The following PTPRM variants were observed in gnomAD, a reference collection of about 807,000 sequenced individuals.
PTPRM encodes the protein protein tyrosine phosphatase receptor type M.
PTPRM carries 47 observed loss-of-function variants against 186.7 expected under a neutral mutation model. The observed-to-expected ratio is 0.25, with a 90% confidence interval of 0.20 to 0.32. PTPRM has a LOEUF of 0.32. Ranked by LOEUF, PTPRM falls within the 10% of genes least tolerant of loss-of-function variation. The pLI is 1.00. For missense variants in PTPRM, 1,494 were observed against 1,865.0 expected (o/e 0.80, Z 3.66); for synonymous variants, 668 against 674.9 (o/e 0.99, Z 0.16).
At chr18:7,911,452 T>C (rs747472617) in intron 4 of PTPRM, among the ~76,000 whole-genome samples, 1 of 152,236 alleles carries the variant, frequency 6.6e-6, no homozygotes, top group Non-Finnish European at 1.5e-5. Context: ...AGGTGGCACC[T>C]GTTTGTAGTT....
At chr18:8,096,103 A>G (rs1183943614) in intron 11 of PTPRM, among the ~76,000 whole-genome samples, 4 of 152,098 alleles carry the variant, frequency 2.6e-5, no homozygotes, top group Non-Finnish European at 5.9e-5. Flanking sequence ...TTGAGGTGTT[A>G]CCATGATGCC....
At chr18:7,717,770 A>C (rs779590931) in intron 1 of PTPRM, among the ~76,000 whole-genome samples, 16 of 152,296 alleles carry the variant, frequency 1.1e-4, no homozygotes, top group Non-Finnish European at 2.1e-4. Flanking sequence ...TGCCTGTGCT[A>C]AAGCATCTAG....
chr18:7,628,958 G>A (rs149277725), intron 1 of PTPRM, among the ~76,000 whole-genome samples: 78 of 152,260 alleles, frequency 5.1e-4, no homozygotes, highest in African/African-American at 1.4e-3. Context: ...CTCCATCTAC[G>A]TGATGCTGGT....
chr18:8,003,156 G>A (rs1279154129), intron 7 of PTPRM, among the ~76,000 whole-genome samples: 5 of 152,122 alleles, frequency 3.3e-5, no homozygotes, highest in South Asian at 2.1e-4. Flanking sequence ...TGTCAAGGGC[G>A]GGGCCAGGTG....
At chr18:8,390,905 G>A (rs1273277743) in intron 31 of PTPRM, among the ~76,000 whole-genome samples, 3 of 150,882 alleles carry the variant, frequency 2.0e-5, no homozygotes, top group Non-Finnish European at 4.4e-5. Flanking sequence ...TCTAGCCTGG[G>A]CGACAGAGCA....
chr18:8,223,575 G>A (rs942560649), intron 14 of PTPRM, among the ~76,000 whole-genome samples: 2 of 152,124 alleles, frequency 1.3e-5, no homozygotes, highest in African/African-American at 4.8e-5. Context: ...AGACCCATCC[G>A]CAGTGCAGCA....
At chr18:8,306,870 GAT>G in intron 20 of PTPRM, among the ~76,000 whole-genome samples, 1 of 152,274 alleles carries the variant, frequency 6.6e-6, no homozygotes, top group Middle Eastern at 3.4e-3. Context: ...ATAAAAATTT[GAT>G]ATGATTTAGC....
At chr18:8,007,690 A>T (rs2084271887) in intron 7 of PTPRM, among the ~76,000 whole-genome samples, 1 of 152,202 alleles carries the variant, frequency 6.6e-6, no homozygotes, top group South Asian at 2.1e-4. Context: ...CCACTGTTGT[A>T]AAGCATGGAG....
chr18:7,609,692 T>A (rs1467097513), intron 1 of PTPRM, among the ~76,000 whole-genome samples: 3 of 152,180 alleles, frequency 2.0e-5, no homozygotes, highest in South Asian at 4.1e-4. Flanking sequence ...AGACAGTTTC[T>A]GATCTACTGC....
intron 7 of PTPRM, among the ~76,000 whole-genome samples, chr18:7,961,802 T>G (rs2053697880): frequency 7.0e-6 from 1 of 143,076 alleles, no homozygotes. Flanking sequence ...AGCGATAGTG[T>G]TTTTATAACT....
chr18:8,173,133 GAACCATT>G (rs1304940665), intron 14 of PTPRM, among the ~76,000 whole-genome samples: 1 of 152,124 alleles, frequency 6.6e-6, no homozygotes, highest in African/African-American at 2.4e-5. Flanking sequence ...AGTCTAAGTG[GAACCATT>G]AACCATGTAC....
At chr18:8,371,073 C>A in intron 24 of PTPRM, 67 bp downstream of exon 24, 1 of 926,002 alleles carries the variant, frequency 1.1e-6, no homozygotes, top group South Asian at 1.7e-5. Context: ...GCCTCATTAA[C>A]TTACCTAGGA....
At chr18:8,089,233 TTTAC>T (rs777830812) in intron 11 of PTPRM, among the ~76,000 whole-genome samples, 1 of 152,278 alleles carries the variant, frequency 6.6e-6, no homozygotes. Context: ...CATTTGTGTG[TTTAC>T]TTTGGGTTTT....
At chr18:8,026,595 G>A (rs1005880482) in intron 7 of PTPRM, among the ~76,000 whole-genome samples, 1 of 152,098 alleles carries the variant, frequency 6.6e-6, no homozygotes, top group Non-Finnish European at 1.5e-5. Context: ...AGTGGCTCAC[G>A]CTTGTAATTC....
chr18:7,834,015 A>G (rs1424110342), intron 2 of PTPRM, among the ~76,000 whole-genome samples: 1 of 152,134 alleles, frequency 6.6e-6, no homozygotes, highest in East Asian at 1.9e-4. Context: ...CAGTGGGGAA[A>G]GAGGGAGTTC....
chr18:7,654,525 G>A (rs920386391), intron 1 of PTPRM, among the ~76,000 whole-genome samples: 5 of 152,108 alleles, frequency 3.3e-5, no homozygotes, highest in Non-Finnish European at 7.4e-5. Flanking sequence ...TGAAATCTTT[G>A]CCTTTTCCTA....
chr18:7,712,734 A>G (rs1415260749), intron 1 of PTPRM, among the ~76,000 whole-genome samples: 3 of 151,940 alleles, frequency 2.0e-5, no homozygotes, highest in African/African-American at 4.8e-5. Flanking sequence ...CACAAGTATC[A>G]ATAGCCAAAT....
chr18:7,763,198 A>G (rs1003762936), intron 1 of PTPRM, among the ~76,000 whole-genome samples: 2 of 152,212 alleles, frequency 1.3e-5, no homozygotes, highest in African/African-American at 4.8e-5. Flanking sequence ...TGGATTTTGG[A>G]CACACTTTAA....
Position 7,582,004 on chromosome 18 carries a change from A to G in PTPRM, c.73+14113A>G, listed in dbSNP as rs74582897. On this transcript the variant is annotated intron_variant, in intron 1 of 32. Coordinates refer to ENST00000580170, the MANE Select transcript of PTPRM (RefSeq NM_001105244.2). ...GCATCAAAATCTTTTGGCTAAGCAA[A>G]TTTTACATAGGTAGAAATGTGTACA... Among the ~76,000 whole-genome samples the G allele has an allele frequency of 2.9e-3, 442 of 152,250 alleles. 3 individuals carry two copies. Among genetic ancestry groups the G allele is most frequent in the Admixed American group, 0.019 (284 of 15,280 alleles).
Sources: gnomAD v4.1 joint callset for allele counts (sites outside exome capture counted in the v4.1 genomes callset) on GRCh38, gnomAD v4.1.1 for gene constraint, MANE v1.5 for transcripts, NCBI Gene and HGNC (gene_info 2026-07-23, HGNC 2026-07-21) for gene names.